Variants in ABRAXAS2 observed in about 807,000 individuals in gnomAD.
The protein encoded by ABRAXAS2 is BRISC complex subunit Abraxas 2.
ABRAXAS2 carries 23 observed loss-of-function variants against 49.0 expected under a neutral mutation model. That is an observed-to-expected ratio of 0.47 (90% CI 0.34 to 0.66). The LOEUF is 0.66. Ranked by LOEUF, ABRAXAS2 falls within the 30% of genes least tolerant of loss-of-function variation. The pLI is 0.01. For synonymous variants in ABRAXAS2, 168 were observed against 180.2 expected, an observed-to-expected ratio of 0.93 and a Z score of 0.54; for missense variants, 443 against 511.9, an observed-to-expected ratio of 0.87 and a Z score of 1.30.
In ABRAXAS2 at chr10:124,827,734, C is replaced by T. The variant is rs1380472275; in HGVS notation, c.458+949C>T. On this transcript the variant is annotated intron_variant, in intron 5 of 8. Transcript: ENST00000298492. ...CTGCTGGTTAACGAGGGTTTTGCAT[C>T]GTGAACTTGTTAAACCAAAAAAAAA... Among the ~76,000 whole-genome samples the T allele has an allele frequency of 5.4e-5, 8 of 147,572 alleles. No individual in the cohort carries two copies. In the East Asian group the frequency reaches 1.6e-3, roughly 29 times the overall value.
chr10:124,802,096 C>T (rs1346690791), intron 1 of ABRAXAS2, among the ~76,000 whole-genome samples, 195 bp downstream of exon 1: 4 of 152,294 alleles, frequency 2.6e-5, no homozygotes, highest in Middle Eastern at 3.4e-3. Flanking sequence ...TGGGACAGGC[C>T]CCCTGGCTTC....
intron 8 of ABRAXAS2, among the ~76,000 whole-genome samples, chr10:124,834,112 G>A (rs1045181202): frequency 6.6e-6 from 1 of 152,160 alleles, no homozygotes; most frequent in Non-Finnish European, 1.5e-5. Flanking sequence ...GTCCCACAGT[G>A]TGACACAGCA....
At chr10:124,828,439 A>T (rs190741210) in intron 5 of ABRAXAS2, among the ~76,000 whole-genome samples, 1 of 152,260 alleles carries the variant, frequency 6.6e-6, no homozygotes. Context: ...ATCTTGGCTC[A>T]TTGCAACCTC....
intron 4 of ABRAXAS2, among the ~76,000 whole-genome samples, chr10:124,826,213 T>TG (rs1325467614): frequency 3.3e-5 from 5 of 152,228 alleles, no homozygotes; most frequent in Non-Finnish European, 5.9e-5. Context: ...TCCTCGTGCC[T>TG]TTCCAGTCCT....
chr10:124,820,245 A>G (rs1489920719), intron 4 of ABRAXAS2, among the ~76,000 whole-genome samples: 7 of 152,178 alleles, frequency 4.6e-5, no homozygotes, highest in Admixed American at 4.6e-4. Flanking sequence ...AGCTTTATGC[A>G]TGATAGTAAA....
At chr10:124,811,854 C>G (rs755915913) in intron 2 of ABRAXAS2, among the ~76,000 whole-genome samples, 1 of 152,082 alleles carries the variant, frequency 6.6e-6, no homozygotes, top group Non-Finnish European at 1.5e-5. Flanking sequence ...CTTGGCTCAC[C>G]GCAACCTCCG....
At chr10:124,812,699 C>T (rs753703341) in intron 2 of ABRAXAS2, among the ~76,000 whole-genome samples, 5 of 151,908 alleles carry the variant, frequency 3.3e-5, no homozygotes, top group Admixed American at 6.6e-5. Context: ...TTGGAAAACC[C>T]GGGTTGAAAA....
At chr10:124,827,373 G>A (rs992535953) in intron 5 of ABRAXAS2, among the ~76,000 whole-genome samples, 1 of 151,830 alleles carries the variant, frequency 6.6e-6, no homozygotes. Flanking sequence ...TTTTGGCCAG[G>A]CTGGTTTTGA....
At chr10:124,802,471 T>G (rs1274982396) in intron 1 of ABRAXAS2, among the ~76,000 whole-genome samples, 1 of 152,214 alleles carries the variant, frequency 6.6e-6, no homozygotes. Context: ...CTATTTTGTA[T>G]TTCCTTGAAG....
At position 124,834,730 on chromosome 10, in the gene ABRAXAS2, C is replaced by G; in HGVS notation, c.1007C>G (p.Ala336Gly). ...ERSVFMPRPQ[A>G]VGSSNYASTS... ...AGTGTCTTTATGCCTCGACCTCAAG[C>G]TGTGGGCTCTTCCAATTATGCTTCC... Residue 336 changes from alanine to glycine, a missense_variant, in exon 9 of 9, where the codon GCT becomes GGT. Coordinates refer to ENST00000298492, the MANE Select transcript of ABRAXAS2 (RefSeq NM_032182.4). 5 of 1,614,158 alleles carry G rather than the reference C, an allele frequency of 3.1e-6. No individual in the cohort carries two copies. Among genetic ancestry groups the G allele is most frequent in the Non-Finnish European group, 4.2e-6 (5 of 1,180,036 alleles).
chr10:124,806,352 G>A (rs1215532164), intron 1 of ABRAXAS2, among the ~76,000 whole-genome samples: 2 of 151,880 alleles, frequency 1.3e-5, no homozygotes, highest in African/African-American at 4.8e-5. Context: ...TCATGTGGAT[G>A]ATAGGGAATT....
chr10:124,819,789 G>GAAAAAAAAAAA (rs917451590), intron 4 of ABRAXAS2, among the ~76,000 whole-genome samples: 1 of 129,588 alleles, frequency 7.7e-6, no homozygotes. Flanking sequence ...AAAAAAAAAA[G>GAAAAAAAAAAA]AAAAAAAAAA....
At chr10:124,818,115 G>T (rs1950836712) in intron 3 of ABRAXAS2, among the ~76,000 whole-genome samples, 1 of 152,136 alleles carries the variant, frequency 6.6e-6, no homozygotes, top group South Asian at 2.1e-4. Flanking sequence ...AGACTTAGTT[G>T]GCCGGGTGCG....
intron 8 of ABRAXAS2, among the ~76,000 whole-genome samples, chr10:124,831,688 T>TAGA (rs946679598): frequency 4.6e-5 from 7 of 151,838 alleles, no homozygotes; most frequent in African/African-American, 1.7e-4. Flanking sequence ...AGACGAAAGG[T>TAGA]AGAAAAGCTG....
intron 1 of ABRAXAS2, among the ~76,000 whole-genome samples, chr10:124,802,718 A>C (rs142237990): frequency 1.3e-5 from 2 of 152,310 alleles, no homozygotes; most frequent in East Asian, 3.9e-4. Context: ...TAATTTGGCC[A>C]CCAAATTGGG....
At chr10:124,815,233 C>T (rs1950815801) in intron 2 of ABRAXAS2, among the ~76,000 whole-genome samples, 3 of 151,792 alleles carry the variant, frequency 2.0e-5, no homozygotes, top group African/African-American at 7.3e-5. Flanking sequence ...CTCGCACTGT[C>T]ACCCAGGCTG....
chr10:124,815,466 C>G (rs1035335503), intron 2 of ABRAXAS2, among the ~76,000 whole-genome samples: 1 of 151,896 alleles, frequency 6.6e-6, no homozygotes, highest in Non-Finnish European at 1.5e-5. Flanking sequence ...AGTGCTGGGA[C>G]TACAGGCGTG....
At chr10:124,829,751 A>G (rs1950918999) in intron 7 of ABRAXAS2, among the ~76,000 whole-genome samples, 1 of 152,230 alleles carries the variant, frequency 6.6e-6, no homozygotes, top group South Asian at 2.1e-4. Context: ...AGGAAAATGT[A>G]GAAAGGCTTG....
chr10:124,807,470 T>C (rs565012457), intron 2 of ABRAXAS2, among the ~76,000 whole-genome samples: 8 of 147,866 alleles, frequency 5.4e-5, no homozygotes, highest in African/African-American at 1.8e-4. Context: ...CTGGCCCACA[T>C]GGTGAAACCC....
Sources: gnomAD v4.1 joint callset for allele counts (sites outside exome capture counted in the v4.1 genomes callset) on GRCh38, gnomAD v4.1.1 for gene constraint, MANE v1.5 for transcripts, NCBI Gene and HGNC (gene_info 2026-07-23, HGNC 2026-07-21) for gene names.